CUTC: variants seen among roughly 807,000 people sequenced by gnomAD.
The protein encoded by CUTC is copper homeostasis protein cutC homolog.
CUTC carries 27 observed loss-of-function variants against 36.2 expected under a neutral mutation model. That is an observed-to-expected ratio of 0.75 (90% CI 0.55 to 1.03). The LOEUF is 1.03. Ranked by LOEUF, CUTC falls within the 50% of genes least tolerant of loss-of-function variation. The pLI, the probability that CUTC is intolerant of heterozygous loss-of-function variation, is 0.00. For synonymous variants in CUTC, 114 were observed against 118.3 expected, an observed-to-expected ratio of 0.96 and a Z score of 0.24; for missense variants, 315 against 343.5, an observed-to-expected ratio of 0.92 and a Z score of 0.66.
At chr10:99,736,103 T>C (rs1407429529) in intron 1 of CUTC, 143 bp from the exon 2 acceptor site, 1 of 615,116 alleles carries the variant, frequency 1.6e-6, no homozygotes, top group Non-Finnish European at 2.9e-6. Context: ...TGATATTTTA[T>C]TGCATTCATG....
At chr10:99,742,912 G>A (rs565533179) in intron 3 of CUTC, among the ~76,000 whole-genome samples, 1 of 152,096 alleles carries the variant, frequency 6.6e-6, no homozygotes, top group African/African-American at 2.4e-5. Context: ...CCAATAAAAG[G>A]GTTCTGAGTC....
rs2037360252 is a variant in CUTC, at chr10:99,744,031, T to G, written c.404-6T>G. On this transcript the variant is annotated splice_polypyrimidine_tract_variant and splice_region_variant and intron_variant, in intron 4 of 8. Transcript: ENST00000370476. ...TTCATGTTGTTATATGACTTTCTTT[T>G]TATAGCTATTTGCCGCCCTCTGCCA... The G allele has an allele frequency of 6.2e-7, 1 of 1,611,538 alleles. No homozygotes were observed. The highest frequency in any genetic ancestry group is 8.5e-7 in the Non-Finnish European group (1 of 1,178,490).
At chr10:99,734,970 CACATA>C (rs2037282714) in intron 1 of CUTC, among the ~76,000 whole-genome samples, 1 of 151,838 alleles carries the variant, frequency 6.6e-6, no homozygotes, top group South Asian at 2.1e-4. Flanking sequence ...GGTGTTGTGG[CACATA>C]CCTGTAGTCC....
chr10:99,754,415 A>G (rs1010263393), intron 7 of CUTC, 114 bp from the exon 8 acceptor site: 7 of 722,812 alleles, frequency 9.7e-6, no homozygotes, highest in African/African-American at 8.8e-5. Context: ...CTAATTTTTG[A>G]ATCAATGAGA....
chr10:99,744,098 C>A (rs746427544), intron 5 of CUTC, 26 bp downstream of exon 5: 5 of 1,595,256 alleles, frequency 3.1e-6, no homozygotes, highest in Non-Finnish European at 4.3e-6. Context: ...TTTAAAAGTT[C>A]TATTGAACAG....
At chr10:99,733,081 G>T (rs879544494) in intron 1 of CUTC, among the ~76,000 whole-genome samples, 3 of 152,106 alleles carry the variant, frequency 2.0e-5, no homozygotes, top group Non-Finnish European at 4.4e-5. Context: ...GGCCGAGGGG[G>T]ACAGATCATC....
intron 7 of CUTC, among the ~76,000 whole-genome samples, chr10:99,752,792 A>C (rs1168983470): frequency 6.6e-6 from 1 of 152,234 alleles, no homozygotes; most frequent in African/African-American, 2.4e-5. Context: ...TAATTGTGTG[A>C]CAATTATGTA....
In CUTC at chr10:99,736,835, C is replaced by T. The variant is rs1225322159; in HGVS notation, c.133+518C>T. On this transcript the variant is annotated intron_variant, in intron 2 of 8. Coordinates refer to ENST00000370476, the MANE Select transcript of CUTC (RefSeq NM_015960.3). ...CATGTATGCATCACTCATCTTCACC[C>T]ATTTTCAACACATGGCCAGTTTTTC... Among the ~76,000 whole-genome samples the T allele has an allele frequency of 2.6e-5, 4 of 152,172 alleles. No individual in the cohort carries two copies. In the East Asian group the frequency reaches 7.7e-4, roughly 29 times the overall value.
In CUTC at chr10:99,751,933, G is replaced by T. The variant is rs1754606766; in HGVS notation, c.601+1537G>T. ...TGGATTTATCAGATTATTTCCTCAT[G>T]ATATTGTTTAGCTTGTTCCTCGTGC... On this transcript the variant is annotated intron_variant, in intron 7 of 8. Transcript: ENST00000370476. Among the ~76,000 whole-genome samples, 6 of 152,300 alleles carry T rather than the reference G, an allele frequency of 3.9e-5. No homozygotes were observed. The South Asian group carries it at 1.2e-3, about 32-fold the overall frequency.
At chr10:99,743,529 A>G (rs1341396210) in intron 4 of CUTC, among the ~76,000 whole-genome samples, 167 bp downstream of exon 4, 1 of 152,220 alleles carries the variant, frequency 6.6e-6, no homozygotes, top group Non-Finnish European at 1.5e-5. Flanking sequence ...GGTGGGGTGT[A>G]TGTGTGGCAA....
At chr10:99,747,220 A>G (rs752755074) in intron 5 of CUTC, 37 bp from the exon 6 acceptor site, 2 of 1,610,300 alleles carry the variant, frequency 1.2e-6, no homozygotes, top group Non-Finnish European at 1.7e-6. Context: ...CGTTAGAGAT[A>G]CCTGTTCAAA....
chr10:99,751,135 G>A (rs1040149879), intron 7 of CUTC, among the ~76,000 whole-genome samples: 2 of 151,834 alleles, frequency 1.3e-5, no homozygotes, highest in Non-Finnish European at 2.9e-5. Context: ...TCTATCCTGA[G>A]GTATTTTATT....
intron 2 of CUTC, 138 bp downstream of exon 2, chr10:99,736,455 C>A (rs1210109682): frequency 1.6e-6 from 1 of 626,400 alleles, no homozygotes; most frequent in Admixed American, 3.1e-5. Flanking sequence ...AATTAGAAAC[C>A]CTACTGGAAA....
Position 99,732,243 on chromosome 10 carries a change from G to C in CUTC, c.-106G>C. 7 of 1,523,594 alleles carry C rather than the reference G, an allele frequency of 4.6e-6. No individual in the cohort carries two copies. The South Asian group carries it at 4.9e-5, about 11-fold the overall frequency. 94.4% of individuals were successfully genotyped at this position (1,523,594 alleles called of 1,614,324 possible). A position where few individuals can be genotyped will look rare whatever the true frequency, so the allele number is the denominator to read the frequency against. On this transcript the variant is annotated 5_prime_UTR_variant, in exon 1 of 9. Transcript: ENST00000370476. ...CTGCTGGGGCGTAGGTGTCGGGGAC[G>C]CGCGCACGGGCGCGCGCAGCTGTTG...
chr10:99,740,039 C>G lies in CUTC; in HGVS notation c.193+270C>G, dbSNP rs139254428. 5.1e-3 allele frequency among the ~76,000 whole-genome samples: 773 copies of G among 152,296 alleles called. 26 individuals carry two copies. The highest frequency in any genetic ancestry group is 0.046 in the Admixed American group (705 of 15,290). ...AGGATTAGGCTTTTATAAAATCTTT[C>G]CATGCTGGCATCCTTAGTATATTGA... On this transcript the variant is annotated intron_variant, in intron 3 of 8. Transcript: ENST00000370476.
intron 3 of CUTC, 86 bp downstream of exon 3, chr10:99,739,855 C>G: frequency 1.0e-6 from 1 of 994,986 alleles, no homozygotes; most frequent in Non-Finnish European, 1.5e-6. Context: ...GGGTCCTTTA[C>G]TAATGTCATG....
chr10:99,741,537 C>T (rs1319831425), intron 3 of CUTC, among the ~76,000 whole-genome samples: 1 of 151,892 alleles, frequency 6.6e-6, no homozygotes, highest in Non-Finnish European at 1.5e-5. Flanking sequence ...TCTTTTCTTT[C>T]CTTCTCCTTT....
intron 7 of CUTC, among the ~76,000 whole-genome samples, chr10:99,754,124 C>T (rs536390932): frequency 3.3e-4 from 51 of 152,264 alleles, no homozygotes; most frequent in African/African-American, 7.5e-4. Flanking sequence ...TCAGTGTAGT[C>T]TTTACATCTG....
intron 4 of CUTC, among the ~76,000 whole-genome samples, chr10:99,743,806 A>G (rs2037357807): frequency 6.6e-6 from 1 of 152,176 alleles, no homozygotes; most frequent in African/African-American, 2.4e-5. Flanking sequence ...TGTCAGATTA[A>G]ATGGTTTTCA....
Sources: gnomAD v4.1 joint callset for allele counts (sites outside exome capture counted in the v4.1 genomes callset) on GRCh38, gnomAD v4.1.1 for gene constraint, MANE v1.5 for transcripts, NCBI Gene and HGNC (gene_info 2026-07-23, HGNC 2026-07-21) for gene names.